PTPRD: variants seen among roughly 807,000 people sequenced by gnomAD.
The protein encoded by PTPRD is receptor-type tyrosine-protein phosphatase delta.
A neutral mutation model predicts 214.5 loss-of-function variants in PTPRD; 34 were observed. That is an observed-to-expected ratio of 0.16 (90% confidence interval 0.12 to 0.21). PTPRD has a LOEUF of 0.21. Ranked by LOEUF, PTPRD falls within the 10% of genes least tolerant of loss-of-function variation. PTPRD has a pLI of 1.00. For missense variants in PTPRD, 2,545 were observed against 2,398.7 expected (o/e 1.06, Z -1.27); for synonymous variants, 1,128 against 845.7 (o/e 1.33, Z -5.79).
rs113982403 is a variant in PTPRD, at chr9:9,693,072, T to C, written c.-287+41461A>G. 7.6e-3 allele frequency among the ~76,000 whole-genome samples: 1,152 copies of C among 152,170 alleles called. 28 individuals are homozygous for C. The highest frequency in any genetic ancestry group is 0.026 in the African/African-American group (1,094 of 41,448). The stretch of plus-strand genomic sequence containing the variant: ...AGATCATATAATCTACAAACAATGA[T>C]AATATGACTTCTTCCTTTCCAATTT... On this transcript the variant is annotated intron_variant, in intron 7 of 45. Transcript: ENST00000381196.
At chr9:8,593,943 G>A (rs148720836) in intron 14 of PTPRD, among the ~76,000 whole-genome samples, 12 of 152,266 alleles carry the variant, frequency 7.9e-5, no homozygotes, top group African/African-American at 2.9e-4. Context: ...GTCTTTCCCA[G>A]TAGGATACAT....
chr9:8,392,379 G>T (rs971222970), intron 36 of PTPRD, among the ~76,000 whole-genome samples: 4 of 151,908 alleles, frequency 2.6e-5, no homozygotes, highest in Admixed American at 2.6e-4. Context: ...CTAAAAACTT[G>T]GCTGGATATG....
At chr9:10,540,707 T>G (rs2058917219) in intron 2 of PTPRD, among the ~76,000 whole-genome samples, 1 of 152,194 alleles carries the variant, frequency 6.6e-6, no homozygotes, top group Non-Finnish European at 1.5e-5. Context: ...AAGAATGTGG[T>G]AATTTTTGTT....
chr9:9,783,923 C>T (rs1197410921), intron 5 of PTPRD, among the ~76,000 whole-genome samples: 1 of 151,462 alleles, frequency 6.6e-6, no homozygotes, highest in Non-Finnish European at 1.5e-5. Flanking sequence ...AGGCAACTGC[C>T]AGAGACTAAA....
At chr9:9,628,499 G>T (rs928248159) in intron 7 of PTPRD, among the ~76,000 whole-genome samples, 1 of 152,022 alleles carries the variant, frequency 6.6e-6, no homozygotes, top group Admixed American at 6.6e-5. Flanking sequence ...TGGTATCCAG[G>T]ATCTGCACAC....
At chr9:10,538,261 A>C (rs1322369479) in intron 2 of PTPRD, among the ~76,000 whole-genome samples, 4 of 143,474 alleles carry the variant, frequency 2.8e-5, no homozygotes, top group Non-Finnish European at 6.0e-5. Context: ...TAAATAAATA[A>C]ATAAATAAAT....
At chr9:8,480,378 G>A (rs572112190) in intron 30 of PTPRD, among the ~76,000 whole-genome samples, 30 of 152,174 alleles carry the variant, frequency 2.0e-4, no homozygotes, top group Non-Finnish European at 3.8e-4. Flanking sequence ...CTAATAAGCC[G>A]GAGTTAGGAG....
chr9:10,003,961 T>A (rs2096401441), intron 4 of PTPRD, among the ~76,000 whole-genome samples: 1 of 151,810 alleles, frequency 6.6e-6, no homozygotes, highest in South Asian at 2.1e-4. Flanking sequence ...AAGATTAAGC[T>A]CTCTACAAAT....
chr9:9,981,863 CTCTT>C (rs1365678143), intron 4 of PTPRD, among the ~76,000 whole-genome samples: 1 of 152,204 alleles, frequency 6.6e-6, no homozygotes, highest in East Asian at 1.9e-4. Flanking sequence ...TAATATCTGT[CTCTT>C]TCTTTTAGAA....
chr9:8,515,010 C>CT (rs1266783187), intron 21 of PTPRD, among the ~76,000 whole-genome samples: 2 of 152,172 alleles, frequency 1.3e-5, no homozygotes, highest in Admixed American at 1.3e-4. Context: ...TGCCATGACT[C>CT]TAAGTTTCCT....
intron 11 of PTPRD, among the ~76,000 whole-genome samples, chr9:8,749,358 T>C (rs935838731): frequency 1.5e-4 from 23 of 152,128 alleles, no homozygotes; most frequent in Non-Finnish European, 3.1e-4. Flanking sequence ...CAGCTAATTT[T>C]TGTGTTTTTA....
chr9:10,220,294 T>C (rs2099563971), intron 3 of PTPRD, among the ~76,000 whole-genome samples: 1 of 151,940 alleles, frequency 6.6e-6, no homozygotes, highest in Non-Finnish European at 1.5e-5. Context: ...TTATTAGTCT[T>C]ACTTATGTTA....
At chr9:9,983,366 T>C (rs1317387851) in intron 4 of PTPRD, among the ~76,000 whole-genome samples, 1 of 152,148 alleles carries the variant, frequency 6.6e-6, no homozygotes, top group Non-Finnish European at 1.5e-5. Flanking sequence ...CTCTAAACTA[T>C]GGAATAAATA....
In PTPRD at chr9:8,314,341, A is replaced by G. The variant is rs546399449; in HGVS notation, c.*3533T>C. The G allele has an allele frequency of 4.8e-5, 11 of 227,616 alleles. No homozygotes were observed. Among genetic ancestry groups the G allele is most frequent in the African/African-American group, 1.6e-4 (7 of 45,144 alleles). 14.1% of individuals were successfully genotyped at this position (227,616 alleles called of 1,614,324 possible). On this transcript the variant is annotated 3_prime_UTR_variant, in exon 46 of 46. Coordinates refer to ENST00000381196, the MANE Select transcript of PTPRD (RefSeq NM_002839.4). ...TTCATACAGACTTCTTTCGCCACCA[A>G]TGTAACGAAGTAAGAAAATAAAAAG...
intron 11 of PTPRD, among the ~76,000 whole-genome samples, chr9:8,962,536 G>C (rs1588946542): frequency 9.4e-6 from 1 of 106,660 alleles, no homozygotes; most frequent in Admixed American, 1.0e-4. Flanking sequence ...GAAGAAGAGA[G>C]AAAGAGAGAG....
At chr9:10,460,196 T>C (rs940258343) in intron 2 of PTPRD, among the ~76,000 whole-genome samples, 1 of 151,860 alleles carries the variant, frequency 6.6e-6, no homozygotes, top group African/African-American at 2.4e-5. Context: ...ACCCGTAAAC[T>C]GAAAACTAGA....
rs978623029 is a variant in PTPRD at position 10,025,741 on chromosome 9, G to C, written c.-472+7977C>G. 4.6e-5 allele frequency among the ~76,000 whole-genome samples: 7 copies of C among 152,270 alleles called. 1 individual carries two copies. The highest frequency in any genetic ancestry group is 1.4e-4 in the African/African-American group (6 of 41,566). On this transcript the variant is annotated intron_variant, in intron 4 of 45. Transcript: ENST00000381196. ...TATTTGAAGACGATTTCCTTGGAGA[G>C]AGCTGTGCCGCCTCCACTGACTTTA...
At chr9:9,728,777 C>T (rs537749256) in intron 7 of PTPRD, among the ~76,000 whole-genome samples, 1 of 152,236 alleles carries the variant, frequency 6.6e-6, no homozygotes, top group Non-Finnish European at 1.5e-5. Context: ...TAAAAGAATG[C>T]TGTCCATTTT....
chr9:8,670,499 T>C (rs150315061), intron 12 of PTPRD, among the ~76,000 whole-genome samples: 37 of 152,342 alleles, frequency 2.4e-4, no homozygotes, highest in African/African-American at 8.7e-4. Context: ...TTTACCTGCT[T>C]TTGTCAGCTA....
Sources: gnomAD v4.1 joint callset for allele counts (sites outside exome capture counted in the v4.1 genomes callset) on GRCh38, gnomAD v4.1.1 for gene constraint, MANE v1.5 for transcripts, NCBI Gene and HGNC (gene_info 2026-07-23, HGNC 2026-07-21) for gene names.